The following SLC20A2 variants were observed in gnomAD, a reference collection of about 807,000 sequenced individuals.
SLC20A2 encodes sodium-dependent phosphate transporter 2.
A neutral mutation model predicts 61.0 loss-of-function variants in SLC20A2; 30 were observed. The observed-to-expected ratio is 0.49, with a 90% CI of 0.37 to 0.67. The LOEUF (loss-of-function observed/expected upper bound fraction) is 0.67, where lower values mean the gene tolerates loss of function less well. SLC20A2 is among the 30% of genes least tolerant of loss of function. The pLI is 0.00. For missense variants in SLC20A2, 626 were observed against 866.4 expected (o/e 0.72, Z 3.48); for synonymous variants, 351 against 353.3 (o/e 0.99, Z 0.07).
At chr8:42,527,706 T>TG (rs1206419731) in intron 1 of SLC20A2, among the ~76,000 whole-genome samples, 5 of 151,830 alleles carry the variant, frequency 3.3e-5, no homozygotes, top group Non-Finnish European at 7.4e-5. Flanking sequence ...AGGTGGAGGC[T>TG]GCGGTGAGCC....
At chr8:42,470,409 G>A (rs1489566271) in intron 2 of SLC20A2, among the ~76,000 whole-genome samples, 1 of 151,638 alleles carries the variant, frequency 6.6e-6, no homozygotes, top group Non-Finnish European at 1.5e-5. Context: ...TGTACAGACA[G>A]GGTCTCCCTA....
At chr8:42,435,502 C>T (rs989086241) in intron 8 of SLC20A2, among the ~76,000 whole-genome samples, 5 of 152,106 alleles carry the variant, frequency 3.3e-5, no homozygotes, top group African/African-American at 4.8e-5. Context: ...ACGGAGACTT[C>T]GGAAAAGCAC....
At chr8:42,515,830 G>T (rs1811292959) in intron 1 of SLC20A2, among the ~76,000 whole-genome samples, 1 of 152,102 alleles carries the variant, frequency 6.6e-6, no homozygotes. Context: ...CAGCTTCAAG[G>T]ATTTTTATAT....
At chr8:42,453,731 G>C (rs1223613161) in intron 5 of SLC20A2, among the ~76,000 whole-genome samples, 1 of 152,140 alleles carries the variant, frequency 6.6e-6, no homozygotes, top group Non-Finnish European at 1.5e-5. Flanking sequence ...GAACAAAATG[G>C]TGGGACCTTC....
chr8:42,468,130 C>T (rs1196165231), intron 2 of SLC20A2, among the ~76,000 whole-genome samples: 1 of 152,048 alleles, frequency 6.6e-6, no homozygotes, highest in Non-Finnish European at 1.5e-5. Context: ...TCTCAATCTC[C>T]TGACCTCATG....
At chr8:42,519,652 T>C (rs1410814387) in intron 1 of SLC20A2, among the ~76,000 whole-genome samples, 1 of 152,204 alleles carries the variant, frequency 6.6e-6, no homozygotes, top group Non-Finnish European at 1.5e-5. Context: ...TTATCAGGTA[T>C]GTAAAGGCTA....
intron 1 of SLC20A2, among the ~76,000 whole-genome samples, chr8:42,479,457 T>C (rs1287404617): frequency 6.6e-6 from 1 of 151,882 alleles, no homozygotes; most frequent in African/African-American, 2.4e-5. Flanking sequence ...GTTTCTGTAA[T>C]GGTATCTACC....
intron 1 of SLC20A2, among the ~76,000 whole-genome samples, chr8:42,512,711 C>G (rs906269393): frequency 2.6e-5 from 4 of 152,128 alleles, no homozygotes; most frequent in Admixed American, 2.0e-4. Flanking sequence ...TTTATAAGGT[C>G]CAACCAACAC....
chr8:42,451,002 G>A (rs1241169907), intron 5 of SLC20A2, among the ~76,000 whole-genome samples: 1 of 152,206 alleles, frequency 6.6e-6, no homozygotes, highest in East Asian at 1.9e-4. Flanking sequence ...TCCACAGCCT[G>A]CACTTCACAA....
At chr8:42,438,073 A>AAAAAAAAAAAAAAAAAAAAATT (rs1804468464) in intron 7 of SLC20A2, among the ~76,000 whole-genome samples, 1 of 149,064 alleles carries the variant, frequency 6.7e-6, no homozygotes, top group Non-Finnish European at 1.5e-5. Context: ...CAAAAAAAAA[A>AAAAAAAAAAAAAAAAAAAAATT]AAAAAAAAAA....
chr8:42,493,315 A>T (rs977985908), intron 1 of SLC20A2, among the ~76,000 whole-genome samples: 8 of 152,246 alleles, frequency 5.3e-5, no homozygotes, highest in Non-Finnish European at 1.0e-4. Context: ...GAAATGACTG[A>T]GGGAGCCAGT....
intron 6 of SLC20A2, among the ~76,000 whole-genome samples, chr8:42,443,979 C>G (rs189294841): frequency 6.6e-6 from 1 of 152,344 alleles, no homozygotes; most frequent in Non-Finnish European, 1.5e-5. Context: ...TTCATTCTCT[C>G]TATTGCTGCG....
intron 1 of SLC20A2, among the ~76,000 whole-genome samples, chr8:42,507,358 A>G (rs1015567783): frequency 6.6e-6 from 1 of 151,660 alleles, no homozygotes; most frequent in Non-Finnish European, 1.5e-5. Context: ...TACACAGAAG[A>G]AACTGGTATC....
chr8:42,492,650 CAT>C (rs987485521), intron 1 of SLC20A2, among the ~76,000 whole-genome samples: 17 of 152,076 alleles, frequency 1.1e-4, no homozygotes, highest in African/African-American at 4.1e-4. Flanking sequence ...CATGGTAGCA[CAT>C]GATTCCAGAT....
At chr8:42,496,747 C>T (rs1809957006) in intron 1 of SLC20A2, among the ~76,000 whole-genome samples, 1 of 152,208 alleles carries the variant, frequency 6.6e-6, no homozygotes, top group Non-Finnish European at 1.5e-5. Context: ...TTCGTTAGGG[C>T]CTTCTATGTT....
intron 1 of SLC20A2, chr8:42,484,758 G>T: frequency 2.9e-6 from 1 of 343,546 alleles, no homozygotes; most frequent in South Asian, 2.7e-5. Flanking sequence ...GACTTGGGAG[G>T]GCAGCCAGGC....
rs74582569 is a variant in SLC20A2, at chr8:42,519,045, C to T, written c.-265+22776G>A. On this transcript the variant is annotated intron_variant, in intron 1 of 10. Transcript: ENST00000342228. ...CTAATGCACAGAGGACAGATGCAGG[C>T]ACTGTACTCAAACTGTAAGGTGCTG... Among the ~76,000 whole-genome samples, 515 of 152,336 alleles carry T rather than the reference C, an allele frequency of 3.4e-3. 5 individuals are homozygous for T. Among genetic ancestry groups the T allele is most frequent in the African/African-American group, 0.011 (443 of 41,586 alleles).
At chr8:42,459,468 C>T (rs1806533193) in intron 5 of SLC20A2, among the ~76,000 whole-genome samples, 1 of 152,128 alleles carries the variant, frequency 6.6e-6, no homozygotes, top group Admixed American at 6.6e-5. Flanking sequence ...CTGTCCCGCT[C>T]ACTGGGTGCC....
At chr8:42,486,413 C>G (rs1218343029) in intron 1 of SLC20A2, among the ~76,000 whole-genome samples, 1 of 151,702 alleles carries the variant, frequency 6.6e-6, no homozygotes, top group Non-Finnish European at 1.5e-5. Flanking sequence ...CCCAGGCTGG[C>G]CTAGAACTCC....
Sources: gnomAD v4.1 joint callset for allele counts (sites outside exome capture counted in the v4.1 genomes callset) on GRCh38, gnomAD v4.1.1 for gene constraint, MANE v1.5 for transcripts, NCBI Gene and HGNC (gene_info 2026-07-23, HGNC 2026-07-21) for gene names.